Variants in BCAS3 observed in about 807,000 individuals in gnomAD.
The protein encoded by BCAS3 is BCAS3 microtubule associated cell migration factor.
Under a neutral mutation model 116.1 loss-of-function variants are expected in BCAS3, and 53 were observed. The observed-to-expected ratio is 0.46, with a 90% CI of 0.37 to 0.57. The LOEUF (loss-of-function observed/expected upper bound fraction) is 0.57, where lower values mean the gene tolerates loss of function less well. Ranked by LOEUF, BCAS3 falls within the 20% of genes least tolerant of loss-of-function variation. The pLI, the probability that BCAS3 is intolerant of heterozygous loss-of-function variation, is 0.00. For missense variants in BCAS3, 917 were observed against 1,165.4 expected, an observed-to-expected ratio of 0.79 and a Z score of 3.10; for synonymous variants, 391 against 408.2, an observed-to-expected ratio of 0.96 and a Z score of 0.51.
At chr17:60,880,681 C>T (rs780153329) in intron 9 of BCAS3, among the ~76,000 whole-genome samples, 1 of 152,150 alleles carries the variant, frequency 6.6e-6, no homozygotes, top group Non-Finnish European at 1.5e-5. Flanking sequence ...GACACTAGTG[C>T]ACAAGTTTTT....
At chr17:60,691,977 C>T (rs2034882881) in intron 4 of BCAS3, among the ~76,000 whole-genome samples, 2 of 151,172 alleles carry the variant, frequency 1.3e-5, no homozygotes, top group South Asian at 4.2e-4. Flanking sequence ...AGTAAAGCCC[C>T]ACCCAGAGTT....
At chr17:60,794,507 T>C (rs2047046176) in intron 6 of BCAS3, among the ~76,000 whole-genome samples, 1 of 152,224 alleles carries the variant, frequency 6.6e-6, no homozygotes, top group Admixed American at 6.5e-5. Context: ...GTTTTTCCAA[T>C]GTTATCTCCT....
chr17:60,837,099 G>T (rs1041812010), intron 7 of BCAS3, among the ~76,000 whole-genome samples: 8 of 152,162 alleles, frequency 5.3e-5, no homozygotes, highest in African/African-American at 1.9e-4. Context: ...ATTGTCAAAT[G>T]ATTGCACTTT....
intron 5 of BCAS3, among the ~76,000 whole-genome samples, chr17:60,717,446 C>T (rs945107282): frequency 6.6e-6 from 1 of 151,990 alleles, no homozygotes; most frequent in African/African-American, 2.4e-5. Context: ...GAACCCCTGA[C>T]CTCAAGTGAT....
At position 61,113,741 on chromosome 17, in the gene BCAS3, G is replaced by A. The variant is rs1601345671; in HGVS notation, c.2425+29177G>A. On this transcript the variant is annotated intron_variant, in intron 22 of 23. Coordinates refer to ENST00000407086, the MANE Select transcript of BCAS3 (RefSeq NM_017679.5). ...GAATCCTCCCTAACTCATTTTATGA[G>A]GCCAGTGTCATTCTGATACCAAAGC... 1.3e-4 allele frequency among the ~76,000 whole-genome samples: 3 copies of A among 22,882 alleles called. No individual in the cohort carries two copies. In the South Asian group the frequency reaches 7.5e-3, roughly 57 times the overall value. 15.0% of individuals were successfully genotyped at this position (22,882 alleles called of 152,430 possible).
In BCAS3 at chr17:61,084,467, G is replaced by C; in HGVS notation, c.2328G>C (p.Arg776Ser). Residue 776 changes from arginine (R) to serine (S), a missense_variant and splice_region_variant, in exon 22 of 24, where the codon AGG becomes AGC. Around this residue, in one of 3 missense-constraint regions of BCAS3, gnomAD observed 807 missense variants for 1,026.0 expected, o/e 0.79. Transcript: ENST00000407086. This position sits in a 1 kb window ranked among gnomAD's most constrained non-coding sequence, Gnocchi z 5.5. ...TGAATTAAATTAAATTGCATTGCAG[G>C]ATCCAGCCAGTCCGCTCTGACCCCG... ...DTDDLDLNSL[R>S]IQPVRSDPVS... The C allele has an allele frequency of 6.2e-7, 1 of 1,605,228 alleles. No homozygotes were observed. Among genetic ancestry groups the C allele is most frequent in the Non-Finnish European group, 8.5e-7 (1 of 1,177,630 alleles).
Position 61,352,606 on chromosome 17 carries a change from AG to A in BCAS3, c.2426-15719del, listed in dbSNP as rs1257993679. 6.6e-6 allele frequency among the ~76,000 whole-genome samples: 1 copy of A among 152,204 alleles called. No individual in the cohort carries two copies. Among genetic ancestry groups the A allele is most frequent in the African/African-American group, 2.4e-5 (1 of 41,446 alleles). ...ACAGCCTCGGAATCTCTTTACCCGTAGGCGCCACACTTGGCACACAATGAGT... is the reference window on the plus strand; with the variant it reads ...ACAGCCTCGGAATCTCTTTACCCGTAGCGCCACACTTGGCACACAATGAGT... On this transcript the variant is annotated intron_variant, in intron 22 of 23. Transcript: ENST00000407086. This position sits in a 1 kb window ranked among gnomAD's most constrained non-coding sequence, Gnocchi z 4.7.
chr17:60,825,551 T>C (rs957805257), intron 7 of BCAS3, among the ~76,000 whole-genome samples: 3 of 140,584 alleles, frequency 2.1e-5, no homozygotes, highest in Non-Finnish European at 4.7e-5. Flanking sequence ...AATAATTATT[T>C]ATAATAATTT....
chr17:60,822,733 C>T (rs2050070538), intron 7 of BCAS3, among the ~76,000 whole-genome samples: 1 of 152,208 alleles, frequency 6.6e-6, no homozygotes, highest in Admixed American at 6.5e-5. Context: ...CCAGGTCAGA[C>T]CTATCAGTGT....
At position 61,183,014 on chromosome 17, in the gene BCAS3, G is replaced by A. The variant is rs1834889210; in HGVS notation, c.2425+98450G>A. ...TTGTTTTAATGAACTGATATCTCCT[G>A]TGTGTCCATGCTGATTCTTAAGTTG... On this transcript the variant is annotated intron_variant, in intron 22 of 23. Coordinates refer to ENST00000407086, the MANE Select transcript of BCAS3 (RefSeq NM_017679.5). 2.6e-5 allele frequency among the ~76,000 whole-genome samples: 4 copies of A among 152,150 alleles called. 1 individual carries two copies. The South Asian group carries it at 8.3e-4, about 31-fold the overall frequency.
intron 6 of BCAS3, 120 bp from the exon 7 acceptor site, chr17:60,807,884 A>G: frequency 1.5e-6 from 1 of 652,404 alleles, no homozygotes. Context: ...TCAATTGTAT[A>G]AATTATGTCA....
At position 61,182,863 on chromosome 17, in the gene BCAS3, C is replaced by T. The variant is rs563867607; in HGVS notation, c.2425+98299C>T. Among the ~76,000 whole-genome samples the T allele has an allele frequency of 9.8e-5, 15 of 152,298 alleles. No homozygotes were observed. The South Asian group carries it at 2.1e-3, about 21-fold the overall frequency. On this transcript the variant is annotated intron_variant, in intron 22 of 23. Coordinates refer to ENST00000407086, the MANE Select transcript of BCAS3 (RefSeq NM_017679.5). ...TATGTCAGCACTTTGTTCTTGTGGC[C>T]GTGGGCCCCTTTTCACTGAGCCTTC...
chr17:60,864,097 A>C (rs1465341499), intron 7 of BCAS3, among the ~76,000 whole-genome samples: 1 of 152,168 alleles, frequency 6.6e-6, no homozygotes, highest in Non-Finnish European at 1.5e-5. Context: ...ATCTTTAATG[A>C]AGGGTTTGGG....
chr17:61,091,450 A>T (rs2073562571), intron 22 of BCAS3, among the ~76,000 whole-genome samples: 1 of 152,206 alleles, frequency 6.6e-6, no homozygotes, highest in Admixed American at 6.5e-5. Flanking sequence ...CGGGAATTCC[A>T]TTTGTCTTAG....
At chr17:61,168,508 T>A (rs1371900821) in intron 22 of BCAS3, among the ~76,000 whole-genome samples, 1 of 152,238 alleles carries the variant, frequency 6.6e-6, no homozygotes, top group Non-Finnish European at 1.5e-5. Flanking sequence ...CAAATATTTA[T>A]CTCTAATTTT....
chr17:61,098,915 G>A lies in BCAS3; in HGVS notation c.2425+14351G>A, dbSNP rs2074141023. ...CCGAGGCAGGTGATCACCAGGTCAG[G>A]AGATCGAGATCATCCTGGCTAACAC... On this transcript the variant is annotated intron_variant, in intron 22 of 23. Coordinates refer to ENST00000407086, the MANE Select transcript of BCAS3 (RefSeq NM_017679.5). The surrounding 1 kb of genome is among the most constrained non-coding windows in gnomAD (Gnocchi z 4.2). Among the ~76,000 whole-genome samples the A allele has an allele frequency of 6.6e-6, 1 of 152,068 alleles. No individual in the cohort carries two copies. Among genetic ancestry groups the A allele is most frequent in the African/African-American group, 2.4e-5 (1 of 41,408 alleles).
chr17:61,009,423 C>T (rs2064954433), intron 15 of BCAS3, among the ~76,000 whole-genome samples: 2 of 151,874 alleles, frequency 1.3e-5, no homozygotes, highest in African/African-American at 4.8e-5. Context: ...TTTCTTTGTC[C>T]TCCATTAACA....
intron 2 of BCAS3, among the ~76,000 whole-genome samples, chr17:60,679,754 G>A (rs1426743892): frequency 6.6e-6 from 1 of 152,194 alleles, no homozygotes; most frequent in Non-Finnish European, 1.5e-5. Context: ...AGAGCACTAT[G>A]CTAAATCCTG....
At position 60,897,885 on chromosome 17, in the gene BCAS3, T is replaced by C. The variant is rs190304762; in HGVS notation, c.739-4735T>C. Among the ~76,000 whole-genome samples, 815 of 145,904 alleles carry C rather than the reference T, an allele frequency of 5.6e-3. 5 individuals carry two copies. Among genetic ancestry groups the C allele is most frequent in the Non-Finnish European group, 6.0e-3 (405 of 67,712 alleles). Reference sequence around the variant, plus strand: ...TGTGTGCCACCACACCAGGCTAATTTTTTTAATTTTTATTTTATTTTTATT... The same window carrying C: ...TGTGTGCCACCACACCAGGCTAATTCTTTTAATTTTTATTTTATTTTTATT... On this transcript the variant is annotated intron_variant, in intron 10 of 23. Coordinates refer to ENST00000407086, the MANE Select transcript of BCAS3 (RefSeq NM_017679.5).
Sources: gnomAD v4.1 joint callset for allele counts (sites outside exome capture counted in the v4.1 genomes callset) on GRCh38, gnomAD v4.1.1 for gene constraint, gnomAD v4.1.1 regional missense constraint, Gnocchi (gnomAD v3.1) non-coding constraint, MANE v1.5 for transcripts, NCBI Gene and HGNC (gene_info 2026-07-23, HGNC 2026-07-21) for gene names.